The following SENP1 variants were observed in gnomAD, a reference collection of about 807,000 sequenced individuals.
SENP1 encodes the protein SUMO specific peptidase 1.
Under a neutral mutation model 93.0 loss-of-function variants are expected in SENP1, and 21 were observed. That is an observed-to-expected ratio of 0.23 (90% confidence interval 0.16 to 0.33). The LOEUF (loss-of-function observed/expected upper bound fraction) is 0.33. SENP1 is among the 10% of genes least tolerant of loss of function. SENP1 has a pLI of 1.00. For synonymous variants in SENP1, 256 were observed against 259.6 expected (o/e 0.99, Z 0.13); for missense variants, 591 against 758.7 (o/e 0.78, Z 2.60).
Position 48,065,118 on chromosome 12 carries a change from T to C in SENP1, c.1222A>G (p.Lys408Glu), listed in dbSNP as rs1216890785. The C allele has an allele frequency of 3.1e-6, 5 of 1,609,630 alleles. No individual in the cohort carries two copies. The highest frequency in any genetic ancestry group is 4.3e-6 in the Non-Finnish European group (5 of 1,176,078). ...CTATCAGTTAATTTATGACCTTTTT[T>C]TTGTGTTTCTTGGACAACAGTAACA... ...IPVTVVQETQKKGHKLTDSED... is the reference protein window; with the variant it reads ...IPVTVVQETQEKGHKLTDSED... Residue 408 changes from lysine (K) to glutamate (E), a missense_variant, in exon 12 of 18, where the codon AAA becomes GAA. Around this residue, in one of 4 missense-constraint regions of SENP1, gnomAD observed 238 missense variants for 259.1 expected, o/e 0.92. Coordinates refer to ENST00000549518, the MANE Select transcript of SENP1 (RefSeq NM_001267594.2).
chr12:48,082,738 T>C (rs1944572798), intron 6 of SENP1, among the ~76,000 whole-genome samples: 1 of 152,196 alleles, frequency 6.6e-6, no homozygotes, highest in Non-Finnish European at 1.5e-5. Flanking sequence ...TGAATTAATA[T>C]AACAACCCAA....
intron 13 of SENP1, among the ~76,000 whole-genome samples, chr12:48,052,601 GTAA>G (rs758396974): frequency 1.3e-5 from 2 of 152,160 alleles, no homozygotes; most frequent in African/African-American, 2.4e-5. Flanking sequence ...AGCTAACCTA[GTAA>G]TATTATAGAA....
Position 48,065,588 on chromosome 12 carries a change from T to C in SENP1, c.1119+8A>G. ...TATTTGTAATATTATTCCAATTTTC[T>C]TTTTTACCTGGTTTTGAAGCTGTAA... On this transcript the variant is annotated splice_region_variant and intron_variant, in intron 11 of 17. Coordinates refer to ENST00000549518, the MANE Select transcript of SENP1 (RefSeq NM_001267594.2). 6.5e-7 allele frequency: 1 copy of C among 1,529,756 alleles called. No homozygotes were observed. 94.8% of individuals were successfully genotyped at this position (1,529,756 alleles called of 1,614,324 possible). A position where few individuals can be genotyped will look rare whatever the true frequency, so the allele number is the denominator to read the frequency against.
intron 6 of SENP1, among the ~76,000 whole-genome samples, chr12:48,081,616 G>A (rs1032880291): frequency 7.5e-5 from 11 of 146,968 alleles, no homozygotes; most frequent in Non-Finnish European, 1.6e-4. Context: ...TGTCACCCAG[G>A]CTGCAGTGCA....
intron 13 of SENP1, among the ~76,000 whole-genome samples, chr12:48,059,543 CT>C (rs1352651830): frequency 8.5e-5 from 13 of 152,210 alleles, no homozygotes; most frequent in African/African-American, 2.9e-4. Flanking sequence ...AAATCCTTGT[CT>C]GCTAATTCTA....
At chr12:48,084,561 G>A (rs973209580) in intron 5 of SENP1, among the ~76,000 whole-genome samples, 19 of 143,724 alleles carry the variant, frequency 1.3e-4, no homozygotes, top group East Asian at 7.0e-4. Context: ...TGATTCTCCC[G>A]CCTCAGCCTC....
At chr12:48,092,002 T>C (rs1945254100) in intron 4 of SENP1, among the ~76,000 whole-genome samples, 1 of 152,180 alleles carries the variant, frequency 6.6e-6, no homozygotes, top group Non-Finnish European at 1.5e-5. Context: ...TAAAAAAGTT[T>C]TTAAAATTTT....
chr12:48,071,088 C>G (rs1014350002), intron 9 of SENP1, among the ~76,000 whole-genome samples: 3 of 151,436 alleles, frequency 2.0e-5, no homozygotes, highest in Non-Finnish European at 2.9e-5. Flanking sequence ...TGTCTCAAAA[C>G]AAAAACAAAA....
At chr12:48,072,091 T>C (rs1402091482) in intron 8 of SENP1, among the ~76,000 whole-genome samples, 2 of 152,216 alleles carry the variant, frequency 1.3e-5, no homozygotes, top group Non-Finnish European at 2.9e-5. Context: ...GTTTCTATGG[T>C]TTCAGTTACG....
At chr12:48,084,115 C>T (rs1185526577) in intron 5 of SENP1, among the ~76,000 whole-genome samples, 1 of 152,194 alleles carries the variant, frequency 6.6e-6, no homozygotes, top group Non-Finnish European at 1.5e-5. Context: ...ATGCTAACAA[C>T]ACATACATTT....
chr12:48,088,141 C>T (rs1373889738), intron 5 of SENP1, among the ~76,000 whole-genome samples: 1 of 152,006 alleles, frequency 6.6e-6, no homozygotes. Context: ...CAACCTCTGC[C>T]TCCCAGGTTC....
chr12:48,085,415 G>C, intron 5 of SENP1: 2 of 1,124,456 alleles, frequency 1.8e-6, no homozygotes, highest in Non-Finnish European at 2.6e-6. Context: ...CCGAAGACCT[G>C]TGCTAGGGTC....
At chr12:48,088,219 A>T (rs1409253537) in intron 5 of SENP1, among the ~76,000 whole-genome samples, 3 of 151,524 alleles carry the variant, frequency 2.0e-5, no homozygotes, top group Non-Finnish European at 2.9e-5. Flanking sequence ...TGCCTGGCTA[A>T]TTTTTTTGTA....
chr12:48,047,147 G>A (rs998883889), intron 15 of SENP1, 85 bp from the exon 16 acceptor site: 2 of 810,524 alleles, frequency 2.5e-6, no homozygotes, highest in Non-Finnish European at 4.1e-6. Context: ...ACAATACCTA[G>A]GAACAAATTT....
chr12:48,078,487 T>A (rs111877615), intron 6 of SENP1, among the ~76,000 whole-genome samples: 20 of 151,698 alleles, frequency 1.3e-4, no homozygotes, highest in African/African-American at 4.6e-4. Context: ...GGGTTTTCTA[T>A]ATATAAGATC....
intron 14 of SENP1, 78 bp downstream of exon 14, chr12:48,048,851 A>T: frequency 3.8e-6 from 4 of 1,054,664 alleles, no homozygotes; most frequent in Middle Eastern, 2.0e-4. Context: ...GAACATGTAG[A>T]ACTACTACTC....
chr12:48,074,845 T>C lies in SENP1; in HGVS notation c.553-52A>G, dbSNP rs1943954911. On this transcript the variant is annotated intron_variant, in intron 6 of 17. Transcript: ENST00000549518. ...GTTTAAACACATCCAATAAGGCAAG[T>C]ATTTCTCAAACTAGCATGTAAACAG... is the stretch of plus-strand genomic sequence containing the variant. 4 of 1,193,408 alleles carry C rather than the reference T, an allele frequency of 3.4e-6. No individual in the cohort carries two copies. The Admixed American group carries it at 6.8e-5, about 20-fold the overall frequency. The allele number at this position is 1,193,408 out of a possible 1,614,324, so 73.9% of individuals were successfully genotyped here.
At chr12:48,071,569 T>G (rs1943701483) in intron 9 of SENP1, 98 bp downstream of exon 9, 2 of 778,174 alleles carry the variant, frequency 2.6e-6, no homozygotes, top group Admixed American at 4.6e-5. Context: ...TGAACCAAGA[T>G]CGCGCCACTA....
At chr12:48,046,671 C>T (rs1941391651) in intron 16 of SENP1, among the ~76,000 whole-genome samples, 1 of 152,128 alleles carries the variant, frequency 6.6e-6, no homozygotes, top group Non-Finnish European at 1.5e-5. Context: ...ATATCTCCGA[C>T]TCCCATGGCA....
Sources: allele counts gnomAD v4.1 joint callset (sites outside exome capture counted in the v4.1 genomes callset), GRCh38; gene constraint gnomAD v4.1.1; regional missense constraint gnomAD v4.1.1; transcripts MANE v1.5; gene names NCBI Gene and HGNC (gene_info 2026-07-23, HGNC 2026-07-21).